The following TNNI3K variants were observed in gnomAD, a reference collection of about 807,000 sequenced individuals.
The protein encoded by TNNI3K is TNNI3 interacting kinase.
Under a neutral mutation model 114.5 loss-of-function variants are expected in TNNI3K, and 140 were observed. The observed-to-expected ratio is 1.22, with a 90% CI of 1.07 to 1.41. The LOEUF is 1.41. Among genes scored for constraint, TNNI3K ranks in the 40% most tolerant of loss-of-function variants. TNNI3K has a pLI of 0.00. For synonymous variants in TNNI3K, 347 were observed against 347.5 expected (o/e 1.00, Z 0.02); for missense variants, 1,125 against 1,007.6 (o/e 1.12, Z -1.58).
At chr1:74,376,598 G>A (rs560566845) in intron 17 of TNNI3K, 49 of 152,014 alleles carry the variant, frequency 3.2e-4, no homozygotes, top group African/African-American at 1.1e-3. Flanking sequence ...ATCACAAGTA[G>A]CATTTTAAAT....
At chr1:74,521,119 C>T (rs1176308823) in intron 23 of TNNI3K, among the ~76,000 whole-genome samples, 1 of 152,152 alleles carries the variant, frequency 6.6e-6, no homozygotes, top group Non-Finnish European at 1.5e-5. Context: ...AATGTCCTCT[C>T]TCCATCACCA....
At chr1:74,377,496 A>G (rs1212991480) in intron 17 of TNNI3K, among the ~76,000 whole-genome samples, 2 of 152,066 alleles carry the variant, frequency 1.3e-5, no homozygotes, top group African/African-American at 4.8e-5. Flanking sequence ...CAGATACAAA[A>G]GTTTCAATAC....
At chr1:74,357,139 A>G (rs1661704561) in intron 11 of TNNI3K, among the ~76,000 whole-genome samples, 1 of 152,152 alleles carries the variant, frequency 6.6e-6, no homozygotes, top group African/African-American at 2.4e-5. Flanking sequence ...AGAGGGAATC[A>G]CTATATTAAT....
At chr1:74,293,970 T>G (rs142774051) in intron 5 of TNNI3K, among the ~76,000 whole-genome samples, 358 of 151,908 alleles carry the variant, frequency 2.4e-3, no homozygotes, top group African/African-American at 8.0e-3. Context: ...CTTCTATTAT[T>G]TCATTAATAT....
chr1:74,484,219 A>AG (rs1668641737), intron 21 of TNNI3K, among the ~76,000 whole-genome samples: 1 of 151,578 alleles, frequency 6.6e-6, no homozygotes, highest in African/African-American at 2.4e-5. Context: ...GATTAAAAAA[A>AG]AAAAAACAAG....
intron 7 of TNNI3K, among the ~76,000 whole-genome samples, chr1:74,337,613 G>A (rs891049174): frequency 9.2e-5 from 14 of 152,096 alleles, no homozygotes; most frequent in Non-Finnish European, 1.6e-4. Context: ...ATAACCTGAT[G>A]AATATTTATG....
rs1667857275 is a variant in TNNI3K, at chr1:74,470,249, T to C, written c.2121+6699T>C. 3.2e-5 allele frequency: 13 copies of C among 400,722 alleles called. No homozygotes were observed. In the East Asian group the frequency reaches 4.6e-4, roughly 14 times the overall value. 24.8% of individuals were successfully genotyped at this position (400,722 alleles called of 1,614,324 possible). Reference sequence around the variant, plus strand: ...TCGGCAGAGCTTGCATCATGTAATATATATTTTTCACTTGTTCCATTTTCC... The same window carrying C: ...TCGGCAGAGCTTGCATCATGTAATACATATTTTTCACTTGTTCCATTTTCC... On this transcript the variant is annotated intron_variant, in intron 21 of 24. Transcript: ENST00000326637.
intron 9 of TNNI3K, among the ~76,000 whole-genome samples, chr1:74,350,228 T>C (rs1661262173): frequency 6.6e-6 from 1 of 152,224 alleles, no homozygotes; most frequent in African/African-American, 2.4e-5. Context: ...TTTCGTTATT[T>C]ACCCAGTAGT....
chr1:74,507,726 A>T (rs6704493), intron 23 of TNNI3K, among the ~76,000 whole-genome samples: 56 of 152,222 alleles, frequency 3.7e-4, no homozygotes, highest in African/African-American at 1.3e-3. Context: ...TGTTTTAGCC[A>T]TGTTGGTATT....
chr1:74,533,507 T>A (rs1276184763), intron 23 of TNNI3K, among the ~76,000 whole-genome samples: 5 of 151,320 alleles, frequency 3.3e-5, no homozygotes, highest in African/African-American at 9.7e-5. Flanking sequence ...AGTGTGGTGA[T>A]TCCTCAGGGA....
At chr1:74,509,941 A>G (rs887019625) in intron 23 of TNNI3K, among the ~76,000 whole-genome samples, 6 of 151,290 alleles carry the variant, frequency 4.0e-5, no homozygotes, top group African/African-American at 1.5e-4. Flanking sequence ...TTTTGTAGAG[A>G]CAGGGTTTCA....
intron 11 of TNNI3K, among the ~76,000 whole-genome samples, chr1:74,366,129 G>C (rs1038793049): frequency 3.1e-4 from 47 of 152,100 alleles, no homozygotes; most frequent in African/African-American, 1.1e-3. Flanking sequence ...ACATAAGCTA[G>C]ATGTATGCTT....
intron 5 of TNNI3K, among the ~76,000 whole-genome samples, chr1:74,275,035 T>C (rs1656590674): frequency 6.6e-6 from 1 of 152,058 alleles, no homozygotes; most frequent in Non-Finnish European, 1.5e-5. Flanking sequence ...TGAACCATCG[T>C]AAGTTAGGGA....
At chr1:74,482,241 A>G (rs1281954152) in intron 21 of TNNI3K, among the ~76,000 whole-genome samples, 1 of 152,204 alleles carries the variant, frequency 6.6e-6, no homozygotes, top group Non-Finnish European at 1.5e-5. Context: ...GTCTAGACAG[A>G]AACCCCACTC....
chr1:74,359,780 AT>A (rs1661857553), intron 11 of TNNI3K, among the ~76,000 whole-genome samples: 1 of 152,006 alleles, frequency 6.6e-6, no homozygotes, highest in Non-Finnish European at 1.5e-5. Context: ...TTGTGATCAT[AT>A]TTTCAAACCA....
intron 5 of TNNI3K, among the ~76,000 whole-genome samples, chr1:74,275,374 C>A (rs1007483091): frequency 1.3e-5 from 2 of 152,090 alleles, no homozygotes; most frequent in African/African-American, 4.8e-5. Flanking sequence ...TATTCACTGC[C>A]ACGAGAACAG....
chr1:74,452,253 G>A (rs1466709427), intron 20 of TNNI3K, among the ~76,000 whole-genome samples: 1 of 152,120 alleles, frequency 6.6e-6, no homozygotes, highest in Non-Finnish European at 1.5e-5. Flanking sequence ...ATTACTGTGA[G>A]CATTCAATGA....
intron 23 of TNNI3K, among the ~76,000 whole-genome samples, chr1:74,526,637 T>G (rs149695129): frequency 1.3e-5 from 2 of 152,204 alleles, no homozygotes; most frequent in African/African-American, 2.4e-5. Flanking sequence ...TAAATATAAA[T>G]TGGATATTTT....
intron 11 of TNNI3K, among the ~76,000 whole-genome samples, chr1:74,364,928 C>T (rs568037498): frequency 1.3e-5 from 2 of 152,146 alleles, no homozygotes; most frequent in South Asian, 4.1e-4. Flanking sequence ...CTTTTGACCT[C>T]CAGAATTATA....
Sources: gnomAD v4.1 joint callset for allele counts (sites outside exome capture counted in the v4.1 genomes callset) on GRCh38, gnomAD v4.1.1 for gene constraint, MANE v1.5 for transcripts, NCBI Gene and HGNC (gene_info 2026-07-23, HGNC 2026-07-21) for gene names.